Variants in SHC3 observed in about 807,000 individuals in gnomAD.
SHC3 encodes the protein SHC-transforming protein 3.
SHC3 carries 15 observed loss-of-function variants against 60.4 expected under a neutral mutation model. That is an observed-to-expected ratio of 0.25 (90% CI 0.17 to 0.38). SHC3 has a LOEUF of 0.38. Among genes scored for constraint, SHC3 ranks in the 10% least tolerant of loss-of-function variants. The pLI is 1.00. For synonymous variants in SHC3, 294 were observed against 325.9 expected (o/e 0.90, Z 1.05); for missense variants, 677 against 786.1 (o/e 0.86, Z 1.66).
At chr9:89,099,569 G>A (rs1825753901) in intron 2 of SHC3, among the ~76,000 whole-genome samples, 1 of 152,114 alleles carries the variant, frequency 6.6e-6, no homozygotes, top group South Asian at 2.1e-4. Flanking sequence ...GAAGGGATTG[G>A]GGAAAGGACT....
At chr9:89,117,027 G>A (rs1348597368) in intron 1 of SHC3, among the ~76,000 whole-genome samples, 1 of 152,304 alleles carries the variant, frequency 6.6e-6, no homozygotes, top group Non-Finnish European at 1.5e-5. Flanking sequence ...AACCGAGTTT[G>A]CAGATTTATG....
At chr9:89,088,208 C>A (rs573296956) in intron 2 of SHC3, among the ~76,000 whole-genome samples, 1 of 152,200 alleles carries the variant, frequency 6.6e-6, no homozygotes, top group Non-Finnish European at 1.5e-5. Flanking sequence ...CCCCGACACT[C>A]CTTTCATTTG....
chr9:89,065,467 G>T, intron 6 of SHC3, 62 bp downstream of exon 6: 1 of 1,544,022 alleles, frequency 6.5e-7, no homozygotes, highest in Non-Finnish European at 9.0e-7. Context: ...GGACCAGCTT[G>T]TATAGAATGT....
intron 11 of SHC3, among the ~76,000 whole-genome samples, chr9:89,020,219 A>G (rs893013476): frequency 2.1e-5 from 3 of 142,298 alleles, no homozygotes; most frequent in African/African-American, 5.3e-5. Context: ...AAGTAAGGAG[A>G]GTGGGGGTCA....
At chr9:89,078,167 A>T (rs1275274748) in intron 2 of SHC3, among the ~76,000 whole-genome samples, 2 of 151,400 alleles carry the variant, frequency 1.3e-5, no homozygotes, top group Non-Finnish European at 2.9e-5. Flanking sequence ...ATCTGTGTCA[A>T]TGCTACACTT....
intron 11 of SHC3, among the ~76,000 whole-genome samples, chr9:89,016,746 C>T (rs529469368): frequency 2.9e-4 from 44 of 152,254 alleles, no homozygotes; most frequent in South Asian, 1.9e-3. Context: ...CTCTTATGAA[C>T]ATAGATGCAA....
chr9:89,145,692 G>C (rs1826458626), intron 1 of SHC3, among the ~76,000 whole-genome samples: 2 of 152,130 alleles, frequency 1.3e-5, no homozygotes, highest in Admixed American at 6.5e-5. Flanking sequence ...TGCCTAACAA[G>C]ATTTTTTTTA....
rs537308227 is a variant in SHC3, at chr9:89,162,540, A to T, written c.474+15447T>A. Among the ~76,000 whole-genome samples the T allele has an allele frequency of 1.4e-4, 21 of 152,338 alleles. No individual in the cohort carries two copies. In the East Asian group the frequency reaches 1.9e-3, roughly 14 times the overall value. On this transcript the variant is annotated intron_variant, in intron 1 of 11. Coordinates refer to ENST00000375835, the MANE Select transcript of SHC3 (RefSeq NM_016848.6). ...GATGCTGGGAAAACTGGCTAGCCAT[A>T]TGTAGAAAGCTGAAACTGGATCCCT...
rs1156626649 is a variant in SHC3, at chr9:89,006,727, A to G, written c.*6720T>C. The G allele has an allele frequency of 1.3e-5, 2 of 152,264 alleles. No individual in the cohort carries two copies. The highest frequency in any genetic ancestry group is 2.9e-5 in the Non-Finnish European group (2 of 68,056). 9.4% of individuals were successfully genotyped at this position (152,264 alleles called of 1,614,324 possible). ...ATTCTGAATACAAAGAAACATTCAC[A>G]TACTTAATTTTACAATATTCTGGAA... On this transcript the variant is annotated 3_prime_UTR_variant, in exon 12 of 12. Transcript: ENST00000375835.
At chr9:89,170,239 G>T (rs1826850063) in intron 1 of SHC3, among the ~76,000 whole-genome samples, 1 of 152,234 alleles carries the variant, frequency 6.6e-6, no homozygotes, top group South Asian at 2.1e-4. Context: ...TGCCTGGCAT[G>T]GGCCAACCTG....
rs1382623111 is a variant in SHC3, at chr9:89,012,956, T to C, written c.*491A>G. 6.6e-6 allele frequency: 1 copy of C among 152,194 alleles called. No homozygotes were observed. Among genetic ancestry groups the C allele is most frequent in the African/African-American group, 2.4e-5 (1 of 41,406 alleles). 9.4% of individuals were successfully genotyped at this position (152,194 alleles called of 1,614,324 possible). A position where few individuals can be genotyped will look rare whatever the true frequency, so the allele number is the denominator to read the frequency against. On this transcript the variant is annotated 3_prime_UTR_variant, in exon 12 of 12. Coordinates refer to ENST00000375835, the MANE Select transcript of SHC3 (RefSeq NM_016848.6). ...GCCATGCCTCAGAACCAGTATCTCA[T>C]AGCTTTCAGTGCAGGGCTAGGCATG... is the stretch of plus-strand genomic sequence containing the variant.
At chr9:89,097,597 T>C (rs941593203) in intron 2 of SHC3, among the ~76,000 whole-genome samples, 2 of 152,196 alleles carry the variant, frequency 1.3e-5, no homozygotes, top group African/African-American at 4.8e-5. Context: ...CTTAGCAGCT[T>C]GCTTCATTTT....
rs562805505 is a variant in SHC3 at position 89,105,951 on chromosome 9, G to C, written c.545+6605C>G. On this transcript the variant is annotated intron_variant, in intron 2 of 11. Transcript: ENST00000375835. Reference sequence around the variant, plus strand: ...ATTATTATACACAGAATTTTATCAGGAGTGAGTAGCAAAAGGATATTCATG... The same window carrying C: ...ATTATTATACACAGAATTTTATCAGCAGTGAGTAGCAAAAGGATATTCATG... Among the ~76,000 whole-genome samples the C allele has an allele frequency of 5.3e-5, 8 of 152,260 alleles. No individual in the cohort carries two copies. In the South Asian group the frequency reaches 1.2e-3, roughly 24 times the overall value.
intron 2 of SHC3, among the ~76,000 whole-genome samples, chr9:89,099,317 A>G (rs1471025303): frequency 2.0e-5 from 3 of 152,230 alleles, no homozygotes; most frequent in African/African-American, 4.8e-5. Flanking sequence ...TATAAAAACA[A>G]ACAGGTAAGT....
intron 11 of SHC3, among the ~76,000 whole-genome samples, chr9:89,022,294 G>A (rs1001496924): frequency 2.6e-5 from 4 of 152,242 alleles, no homozygotes; most frequent in Non-Finnish European, 4.4e-5. Flanking sequence ...GGTTGGGGGA[G>A]GGGGGAAATT....
intron 2 of SHC3, among the ~76,000 whole-genome samples, chr9:89,089,675 G>A (rs1407146224): frequency 6.6e-6 from 1 of 152,184 alleles, no homozygotes; most frequent in Non-Finnish European, 1.5e-5. Context: ...ACACAATATT[G>A]GTGGAGTCAA....
intron 1 of SHC3, among the ~76,000 whole-genome samples, chr9:89,135,997 T>C (rs1826314251): frequency 6.6e-6 from 1 of 152,204 alleles, no homozygotes; most frequent in Non-Finnish European, 1.5e-5. Flanking sequence ...TTCTCTTAAA[T>C]TGAACACTTA....
At chr9:89,122,991 A>C (rs147611113) in intron 1 of SHC3, among the ~76,000 whole-genome samples, 1 of 152,310 alleles carries the variant, frequency 6.6e-6, no homozygotes, top group African/African-American at 2.4e-5. Flanking sequence ...GCATATTGGG[A>C]GTGGGTCATG....
At chr9:89,062,920 C>T (rs886222984) in intron 6 of SHC3, among the ~76,000 whole-genome samples, 1 of 152,210 alleles carries the variant, frequency 6.6e-6, no homozygotes, top group Admixed American at 6.5e-5. Flanking sequence ...CTGGTAAGGA[C>T]ACTGATGAGA....
Sources: gnomAD v4.1 joint callset for allele counts (sites outside exome capture counted in the v4.1 genomes callset) on GRCh38, gnomAD v4.1.1 for gene constraint, MANE v1.5 for transcripts, NCBI Gene and HGNC (gene_info 2026-07-23, HGNC 2026-07-21) for gene names.